MSR1: variants seen among roughly 807,000 people sequenced by gnomAD.
MSR1 encodes macrophage scavenger receptor types I and II.
In MSR1, 53 loss-of-function variants were observed where a neutral mutation model predicts 47.2. The ratio of observed to expected loss-of-function variants is 1.12; its 90% CI spans 0.90 to 1.41. MSR1 has a LOEUF of 1.41. Among genes scored for constraint, MSR1 ranks in the 40% most tolerant of loss-of-function variants. The probability of loss-of-function intolerance (pLI) is 0.00; values close to 1 mark genes in which losing one functional copy is unlikely to be tolerated. For missense variants in MSR1, 786 were observed against 546.9 expected, an observed-to-expected ratio of 1.44 and a Z score of -4.36; for synonymous variants, 239 against 185.6, an observed-to-expected ratio of 1.29 and a Z score of -2.34.
intron 9 of MSR1, among the ~76,000 whole-genome samples, chr8:16,112,750 T>A (rs1398726833): frequency 6.6e-6 from 1 of 151,936 alleles, no homozygotes; most frequent in Non-Finnish European, 1.5e-5. Flanking sequence ...GCCTCTGAAC[T>A]ATTCTTTCTA....
In MSR1 at chr8:16,175,152, G is replaced by A. The variant is rs141587390; in HGVS notation, c.217+35C>T. 6.6e-5 allele frequency: 101 copies of A among 1,534,802 alleles called. No homozygotes were observed. The African/African-American group carries it at 9.8e-4, about 15-fold the overall frequency. ...TTTGGCAATGAATAATTCACGGGACGAGTTACTAAATTTCAAAACTCTGGG... is the reference window on the plus strand; with the variant it reads ...TTTGGCAATGAATAATTCACGGGACAAGTTACTAAATTTCAAAACTCTGGG... On this transcript the variant is annotated intron_variant, in intron 3 of 9. Coordinates refer to ENST00000262101, the MANE Select transcript of MSR1 (RefSeq NM_138715.3).
intron 1 of MSR1, among the ~76,000 whole-genome samples, chr8:16,184,762 G>T (rs1801945568): frequency 6.6e-6 from 1 of 152,112 alleles, no homozygotes. Context: ...AACTAGAGAT[G>T]AAGCTTGATT....
intron 8 of MSR1, among the ~76,000 whole-genome samples, chr8:16,130,829 G>A (rs1800238567): frequency 6.6e-6 from 1 of 151,948 alleles, no homozygotes; most frequent in South Asian, 2.1e-4. Context: ...TTGTATGGCT[G>A]CATGGTATTC....
At chr8:16,153,963 C>G (rs949231179) in intron 6 of MSR1, among the ~76,000 whole-genome samples, 1 of 151,924 alleles carries the variant, frequency 6.6e-6, no homozygotes, top group Non-Finnish European at 1.5e-5. Context: ...TACCACCTGA[C>G]TTGGCATATT....
At chr8:16,140,873 C>T (rs1028998356) in intron 8 of MSR1, 14 of 1,598,858 alleles carry the variant, frequency 8.8e-6, no homozygotes, top group South Asian at 2.3e-5. Flanking sequence ...AGGTACAACA[C>T]GGGAACCAAA....
At chr8:16,185,951 C>G (rs867809022) in intron 1 of MSR1, among the ~76,000 whole-genome samples, 1 of 151,260 alleles carries the variant, frequency 6.6e-6, no homozygotes, top group Non-Finnish European at 1.5e-5. Flanking sequence ...AACTTTTTGA[C>G]GCTGCAAGAG....
Position 16,155,903 on chromosome 8 carries a change from C to A in MSR1, c.818-759G>T, listed in dbSNP as rs34056978. The stretch of plus-strand genomic sequence containing the variant: ...ATTGCAAGGAAAACTTTGGTCTCAT[C>A]ATTTTTTTTCAGGTGGCTCTCCTGA... On this transcript the variant is annotated intron_variant, in intron 5 of 9. Transcript: ENST00000262101. 1.5e-4 allele frequency among the ~76,000 whole-genome samples: 23 copies of A among 151,932 alleles called. No individual in the cohort carries two copies. The East Asian group carries it at 3.9e-3, about 26-fold the overall frequency.
At chr8:16,117,950 T>A (rs1799915049) in intron 9 of MSR1, among the ~76,000 whole-genome samples, 2 of 152,128 alleles carry the variant, frequency 1.3e-5, no homozygotes, top group African/African-American at 4.8e-5. Context: ...CCAAACCTTC[T>A]CCCATCCCTG....
intron 1 of MSR1, among the ~76,000 whole-genome samples, chr8:16,185,244 GCA>G (rs1437784444): frequency 9.2e-5 from 14 of 151,500 alleles, no homozygotes; most frequent in African/African-American, 1.9e-4. Flanking sequence ...TTCTTAGTCT[GCA>G]CAGTCTCTCT....
chr8:16,159,017 G>A lies in MSR1; in HGVS notation c.818-3873C>T, dbSNP rs1447759289. Among the ~76,000 whole-genome samples the A allele has an allele frequency of 4.4e-5, 6 of 135,078 alleles. No individual in the cohort carries two copies. The South Asian group carries it at 9.5e-4, about 21-fold the overall frequency. 88.6% of individuals were successfully genotyped at this position (135,078 alleles called of 152,430 possible). On this transcript the variant is annotated intron_variant, in intron 5 of 9. Coordinates refer to ENST00000262101, the MANE Select transcript of MSR1 (RefSeq NM_138715.3). ...ACTTCTGGGCTCAAAAGGCCCTCAT[G>A]TCTCACTCTCCTGAAGTGCTGGAAT... is the stretch of plus-strand genomic sequence containing the variant.
intron 9 of MSR1, among the ~76,000 whole-genome samples, chr8:16,117,960 G>C (rs1029869471): frequency 6.6e-6 from 1 of 152,064 alleles, no homozygotes; most frequent in African/African-American, 2.4e-5. Flanking sequence ...TCCCATCCCT[G>C]GTCTGTGGAA....
In MSR1 at chr8:16,110,060, T is replaced by C. The variant is rs777915341; in HGVS notation, c.*25A>G. 6.8e-6 allele frequency: 11 copies of C among 1,612,772 alleles called. No homozygotes were observed. The highest frequency in any genetic ancestry group is 1.1e-5 in the South Asian group (1 of 91,060). On this transcript the variant is annotated 3_prime_UTR_variant, in exon 10 of 10. Coordinates refer to ENST00000262101, the MANE Select transcript of MSR1 (RefSeq NM_138715.3). ...AAATCATTTTTGAGCAGCGATTTCATAGTTGTGAATGAAAATATGATGCAT... is the reference window on the plus strand; with the variant it reads ...AAATCATTTTTGAGCAGCGATTTCACAGTTGTGAATGAAAATATGATGCAT...
intron 8 of MSR1, among the ~76,000 whole-genome samples, chr8:16,128,093 A>C (rs1800170240): frequency 6.6e-6 from 1 of 152,152 alleles, no homozygotes; most frequent in Non-Finnish European, 1.5e-5. Flanking sequence ...AATGCATCAA[A>C]TTTACTTATG....
chr8:16,155,117 C>T lies in MSR1; in HGVS notation c.845G>A (p.Gly282Glu). 6.2e-7 allele frequency: 1 copy of T among 1,612,126 alleles called. No homozygotes were observed. The highest frequency in any genetic ancestry group is 8.5e-7 in the Non-Finnish European group (1 of 1,178,730). The change falls in exon 6 of 10, where the codon GGA becomes GAA. Residue 282 changes from glycine (G) to glutamate (E), a missense_variant. Gly to Glu is a moderately conservative substitution (Grantham distance 98, BLOSUM62 -2). Transcript: ENST00000262101. The stretch of plus-strand genomic sequence containing the variant: ...ACTTTCTCCAGTGGGACCTCGATCT[C>T]CTTTTTCACCCGGGGGTCCAGGAGG... ...QGPPGPPGEK[G>E]DRGPTGESGP...
intron 8 of MSR1, among the ~76,000 whole-genome samples, chr8:16,134,943 A>G (rs1047903773): frequency 2.0e-5 from 3 of 152,168 alleles, no homozygotes; most frequent in African/African-American, 7.2e-5. Flanking sequence ...CTTCAATTCT[A>G]TGGAGGCTGA....
chr8:16,176,104 A>C (rs1236719320), intron 2 of MSR1, among the ~76,000 whole-genome samples: 1 of 152,246 alleles, frequency 6.6e-6, no homozygotes, highest in Non-Finnish European at 1.5e-5. Flanking sequence ...TTCATTGATC[A>C]ATTAAAAAAA....
At position 16,155,089 on chromosome 8, in the gene MSR1, A is replaced by T. The variant is rs150394762; in HGVS notation, c.873T>A (p.Gly291=). 9.3e-6 allele frequency: 15 copies of T among 1,612,092 alleles called. No homozygotes were observed. The African/African-American group carries it at 2.0e-4, about 22-fold the overall frequency. ...KGDRGPTGES[G]PRGFPGPIGP... is the part of the protein sequence containing the mutation. ...CTATTGGACCTGGAAATCCTCGTGG[A>T]CCACTTTCTCCAGTGGGACCTCGAT... Residue 291 remains glycine, a synonymous_variant, in exon 6 of 10, where the codon GGT becomes GGA. Transcript: ENST00000262101.
intron 2 of MSR1, among the ~76,000 whole-genome samples, chr8:16,175,692 T>C (rs1370535832): frequency 6.6e-6 from 1 of 152,220 alleles, no homozygotes; most frequent in Non-Finnish European, 1.5e-5. Flanking sequence ...CTATGCAATT[T>C]TTTAATATTT....
At chr8:16,126,408 G>T (rs1029306976) in intron 8 of MSR1, among the ~76,000 whole-genome samples, 16 of 152,020 alleles carry the variant, frequency 1.1e-4, no homozygotes, top group African/African-American at 3.9e-4. Context: ...TAGGATTTAG[G>T]GTTAAATTTA....
Sources: gnomAD v4.1 joint callset for allele counts (sites outside exome capture counted in the v4.1 genomes callset) on GRCh38, gnomAD v4.1.1 for gene constraint, MANE v1.5 for transcripts, NCBI Gene and HGNC (gene_info 2026-07-23, HGNC 2026-07-21) for gene names.